Variants in CADM2 observed in about 807,000 individuals in gnomAD.
CADM2 encodes the protein cell adhesion molecule 2, also known as immunoglobulin superfamily member 4D.
CADM2 carries 12 observed loss-of-function variants against 49.8 expected under a neutral mutation model. The ratio of observed to expected loss-of-function variants is 0.24; its 90% CI spans 0.15 to 0.39. CADM2 has a LOEUF of 0.39. Ranked by LOEUF, CADM2 falls within the 10% of genes least tolerant of loss-of-function variation. CADM2 has a pLI of 1.00. For synonymous variants in CADM2, 214 were observed against 175.4 expected (o/e 1.22, Z -1.74); for missense variants, 378 against 492.3 (o/e 0.77, Z 2.20).
intron 8 of CADM2, among the ~76,000 whole-genome samples, chr3:86,042,879 G>A (rs1415010233): frequency 6.6e-6 from 1 of 152,032 alleles, no homozygotes; most frequent in Non-Finnish European, 1.5e-5. Flanking sequence ...AGCTTATCCA[G>A]CATGATCAAG....
chr3:86,045,292 C>T (rs1026756582), intron 8 of CADM2, among the ~76,000 whole-genome samples: 1 of 152,008 alleles, frequency 6.6e-6, no homozygotes, highest in Non-Finnish European at 1.5e-5. Context: ...AGCTTCTGTG[C>T]TTTTCTTGGT....
Position 86,069,411 on chromosome 3 carries a change from T to C in CADM2, c.*2628T>C, listed in dbSNP as rs2107455390. 1 of 152,110 alleles carries C rather than the reference T, an allele frequency of 6.6e-6. No individual in the cohort carries two copies. Among genetic ancestry groups the C allele is most frequent in the East Asian group, 1.9e-4 (1 of 5,190 alleles). The allele number at this position is 152,110 out of a possible 1,614,324, so 9.4% of individuals were successfully genotyped here. A position where few individuals can be genotyped will look rare whatever the true frequency, so the allele number is the denominator to read the frequency against. ...TAATTAAATGTTTGCCTATTAAATATAGTTTGATTTAAATGAGACACCATG... is the reference window on the plus strand; with the variant it reads ...TAATTAAATGTTTGCCTATTAAATACAGTTTGATTTAAATGAGACACCATG... On this transcript the variant is annotated 3_prime_UTR_variant, in exon 10 of 10. Coordinates refer to ENST00000383699, the MANE Select transcript of CADM2 (RefSeq NM_001167675.2).
intron 1 of CADM2, among the ~76,000 whole-genome samples, chr3:85,383,607 A>T (rs1399995160): frequency 6.7e-6 from 1 of 148,418 alleles, no homozygotes; most frequent in Admixed American, 6.8e-5. Context: ...ATTTCATTCA[A>T]TTATCCTCAT....
chr3:85,971,484 C>T (rs1391778345), intron 8 of CADM2, among the ~76,000 whole-genome samples: 1 of 151,682 alleles, frequency 6.6e-6, no homozygotes, highest in Admixed American at 6.6e-5. Flanking sequence ...GTGGATTTCT[C>T]AGTCAGTATT....
rs199621319 is a variant in CADM2, at chr3:85,654,008, A to G, written c.62-72514A>G. 1.2e-4 allele frequency among the ~76,000 whole-genome samples: 19 copies of G among 152,368 alleles called. No individual in the cohort carries two copies. In the East Asian group the frequency reaches 3.7e-3, roughly 29 times the overall value. On this transcript the variant is annotated intron_variant, in intron 1 of 9. Transcript: ENST00000383699. Reference sequence around the variant, plus strand: ...GGACTGTGAATTGGCCATCGGATTTATCAATCTGAAAGCCACTGATGGCCT... The same window carrying G: ...GGACTGTGAATTGGCCATCGGATTTGTCAATCTGAAAGCCACTGATGGCCT...
chr3:85,997,924 A>G lies in CADM2; in HGVS notation c.970+36277A>G, dbSNP rs560267151. ...TGAAATTAGGCTCTGAGAAGAAGAA[A>G]TGTATCATTTATCATCAATTCATTC... On this transcript the variant is annotated intron_variant, in intron 8 of 9. Coordinates refer to ENST00000383699, the MANE Select transcript of CADM2 (RefSeq NM_001167675.2). Among the ~76,000 whole-genome samples the G allele has an allele frequency of 2.0e-5, 3 of 152,318 alleles. No individual in the cohort carries two copies. The East Asian group carries it at 5.8e-4, about 29-fold the overall frequency.
intron 8 of CADM2, among the ~76,000 whole-genome samples, chr3:86,011,362 T>A (rs1731488751): frequency 6.6e-6 from 1 of 152,172 alleles, no homozygotes; most frequent in South Asian, 2.1e-4. Flanking sequence ...CTAACCATTT[T>A]AATCAGTTCA....
intron 1 of CADM2, among the ~76,000 whole-genome samples, chr3:85,563,718 T>G (rs1333111873): frequency 6.6e-6 from 1 of 152,094 alleles, no homozygotes; most frequent in Non-Finnish European, 1.5e-5. Flanking sequence ...TGCGAAAATG[T>G]TAGGGTCTTC....
chr3:85,086,887 G>A (rs1209295100), intron 1 of CADM2, among the ~76,000 whole-genome samples: 1 of 152,102 alleles, frequency 6.6e-6, no homozygotes, highest in Non-Finnish European at 1.5e-5. Context: ...TATATATGGT[G>A]TAGCCATCTG....
intron 1 of CADM2, among the ~76,000 whole-genome samples, chr3:85,612,434 T>G (rs1185415886): frequency 6.6e-6 from 1 of 151,852 alleles, no homozygotes; most frequent in Non-Finnish European, 1.5e-5. Context: ...TATTTTTATA[T>G]TTTATTGTTA....
intron 1 of CADM2, among the ~76,000 whole-genome samples, chr3:85,060,150 T>C (rs2036250094): frequency 6.6e-6 from 1 of 152,100 alleles, no homozygotes; most frequent in Admixed American, 6.6e-5. Context: ...TATTTTATTT[T>C]ATTAGCGTCC....
rs1323256012 is a variant in CADM2 at position 86,072,405 on chromosome 3, A to G, written c.*5622A>G. On this transcript the variant is annotated 3_prime_UTR_variant, in exon 10 of 10. Transcript: ENST00000383699. ...CCAAATGTGAAAAAGATATAAAAAA[A>G]ACAAAAAAAACAAAAAAAAAACACT... is the stretch of plus-strand genomic sequence containing the variant. 6.7e-6 allele frequency: 1 copy of G among 150,324 alleles called. No individual in the cohort carries two copies. Among genetic ancestry groups the G allele is most frequent in the Non-Finnish European group, 1.5e-5 (1 of 67,818 alleles). 9.3% of individuals were successfully genotyped at this position (150,324 alleles called of 1,614,324 possible).
intron 8 of CADM2, among the ~76,000 whole-genome samples, chr3:85,996,728 T>C (rs971432138): frequency 2.4e-4 from 36 of 152,188 alleles, no homozygotes; most frequent in African/African-American, 8.7e-4. Flanking sequence ...AGATGTATAT[T>C]ATACATTATT....
At chr3:85,685,525 C>G (rs187203400) in intron 1 of CADM2, among the ~76,000 whole-genome samples, 1 of 151,340 alleles carries the variant, frequency 6.6e-6, no homozygotes, top group Non-Finnish European at 1.5e-5. Flanking sequence ...GAACCTAAAA[C>G]TTCTTTGAAA....
intron 8 of CADM2, among the ~76,000 whole-genome samples, chr3:86,053,939 A>C (rs1448705600): frequency 6.6e-6 from 1 of 152,084 alleles, no homozygotes; most frequent in Non-Finnish European, 1.5e-5. Flanking sequence ...GTTATGCACA[A>C]GAATTTTTTG....
At position 85,657,375 on chromosome 3, in the gene CADM2, T is replaced by C. The variant is rs192582129; in HGVS notation, c.62-69147T>C. On this transcript the variant is annotated intron_variant, in intron 1 of 9. Coordinates refer to ENST00000383699, the MANE Select transcript of CADM2 (RefSeq NM_001167675.2). ...AATACATTTAAGAGGCCATGGCATA[T>C]TCTTATTAAAGGGTTCTCAGTAAAT... is the stretch of plus-strand genomic sequence containing the variant. Among the ~76,000 whole-genome samples, 150 of 152,224 alleles carry C rather than the reference T, an allele frequency of 9.9e-4. 1 individual carries two copies. Among genetic ancestry groups the C allele is most frequent in the Middle Eastern group, 3.5e-3 (1 of 288 alleles).
At chr3:85,386,166 A>G (rs1458095039) in intron 1 of CADM2, among the ~76,000 whole-genome samples, 1 of 152,156 alleles carries the variant, frequency 6.6e-6, no homozygotes, top group African/African-American at 2.4e-5. Context: ...TGGAGGTTTC[A>G]GGAGTGATTT....
At chr3:85,894,495 A>T (rs1334725710) in intron 5 of CADM2, among the ~76,000 whole-genome samples, 1 of 148,180 alleles carries the variant, frequency 6.7e-6, no homozygotes, top group African/African-American at 2.5e-5. Context: ...TTAAAGTATA[A>T]AAAAAAAACC....
At chr3:85,423,020 A>G (rs1441223877) in intron 1 of CADM2, among the ~76,000 whole-genome samples, 1 of 152,066 alleles carries the variant, frequency 6.6e-6, no homozygotes, top group Non-Finnish European at 1.5e-5. Context: ...GACTTGAAGG[A>G]AGGTGAATGC....
Sources: gnomAD v4.1 joint callset for allele counts (sites outside exome capture counted in the v4.1 genomes callset) on GRCh38, gnomAD v4.1.1 for gene constraint, MANE v1.5 for transcripts, NCBI Gene and HGNC (gene_info 2026-07-23, HGNC 2026-07-21) for gene names.